TCEA2: variants seen among roughly 807,000 people sequenced by gnomAD.
TCEA2 encodes transcription elongation factor A2.
Under a neutral mutation model 40.8 loss-of-function variants are expected in TCEA2, and 21 were observed. That is an observed-to-expected ratio of 0.51 (90% CI 0.36 to 0.74). The LOEUF (loss-of-function observed/expected upper bound fraction) is 0.74, where lower values mean the gene tolerates loss of function less well. TCEA2 is among the 30% of genes least tolerant of loss of function. The pLI is 0.00. For synonymous variants in TCEA2, 165 were observed against 162.7 expected (o/e 1.01, Z -0.11); for missense variants, 326 against 426.5 (o/e 0.76, Z 2.08).
intron 1 of TCEA2, 184 bp from the exon 2 acceptor site, chr20:64,066,292 G>A (rs1312777967): frequency 1.6e-6 from 1 of 626,044 alleles, no homozygotes; most frequent in Non-Finnish European, 2.8e-6. Flanking sequence ...GTTCCCTGCT[G>A]TGGTGCAGGA....
At chr20:64,056,244 G>A (rs565343667), upstream of TCEA2, among the ~76,000 whole-genome samples, 5 of 152,286 alleles carry the variant, frequency 3.3e-5, no homozygotes, top group South Asian at 8.3e-4. Flanking sequence ...CAGACTGGGC[G>A]ACTGAGGTCC....
chr20:64,058,918 C>T (rs73626422), upstream of TCEA2, among the ~76,000 whole-genome samples: 822 of 152,222 alleles, frequency 5.4e-3, 7 homozygotes, highest in African/African-American at 0.019. This position sits in a 1 kb window ranked among gnomAD's most constrained non-coding sequence, Gnocchi z 6.7. Flanking sequence ...GGGCCGGGCA[C>T]GGTGGCTCAC....
chr20:64,063,153 C>T, upstream of TCEA2: 1 of 534,778 alleles, frequency 1.9e-6, no homozygotes, highest in Non-Finnish European at 2.7e-6. Context: ...TAGGATGCCG[C>T]GCGCGGCCGC....
rs1365864472 is a variant in TCEA2, at chr20:64,070,572, C to T, written c.756C>T (p.Gly252=). 5.6e-6 allele frequency: 9 copies of T among 1,613,570 alleles called. No individual in the cohort carries two copies. The highest frequency in any genetic ancestry group is 1.3e-5 in the African/African-American group (1 of 74,938). The change falls in exon 8 of 10, where the codon GGC becomes GGT. Residue 252 remains glycine (G), a synonymous_variant. Coordinates refer to ENST00000343484, the MANE Select transcript of TCEA2 (RefSeq NM_003195.6). ...GAGAGCACCAGATGGCCCGCACTGG[C>T]GGCACGCAGACAGACCTGTTCACCT... ...AIREHQMART[G]GTQTDLFTCG...
chr20:64,070,226 G>A (rs763451651), intron 6 of TCEA2, 34 bp from the exon 7 acceptor site: 17 of 1,605,532 alleles, frequency 1.1e-5, no homozygotes, highest in South Asian at 5.5e-5. Context: ...GGGCAGCGAC[G>A]TTGTCCTCAG....
In TCEA2 at chr20:64,058,005, G is replaced by T. The variant is rs145246667; in HGVS notation, c.-84+354G>T. On this transcript the variant is annotated intron_variant, in intron 1 of 10. Transcript: ENST00000361317. The surrounding 1 kb of genome is among the most constrained non-coding windows in gnomAD (Gnocchi z 6.7). Reference sequence around the variant, plus strand: ...GGCCAGTCACCTGCCTCTGCCCGGGGGCGGGACCATCCCACCGGATTGCAG... The same window carrying T: ...GGCCAGTCACCTGCCTCTGCCCGGGTGCGGGACCATCCCACCGGATTGCAG... Among the ~76,000 whole-genome samples, 10 of 152,292 alleles carry T rather than the reference G, an allele frequency of 6.6e-5. No homozygotes were observed. The highest frequency in any genetic ancestry group is 2.2e-4 in the African/African-American group (9 of 41,564).
chr20:64,070,876 AGG>A (rs2059812553), intron 8 of TCEA2, among the ~76,000 whole-genome samples: 1 of 152,174 alleles, frequency 6.6e-6, no homozygotes, highest in Non-Finnish European at 1.5e-5. Flanking sequence ...CTCAAGTCAG[AGG>A]GCCTGGCCTG....
intron 1 of TCEA2, among the ~76,000 whole-genome samples, chr20:64,065,300 A>G (rs2059664626): frequency 2.5e-5 from 1 of 40,170 alleles, no homozygotes; most frequent in Non-Finnish European, 7.9e-5. Context: ...CTGCAGCGTG[A>G]GCAGACTATG....
intron 3 of TCEA2, among the ~76,000 whole-genome samples, chr20:64,067,634 C>T (rs951616124): frequency 2.6e-5 from 4 of 152,256 alleles, no homozygotes; most frequent in Non-Finnish European, 5.9e-5. Flanking sequence ...GGCCCTCAGG[C>T]TGTGCATGGC....
intron 9 of TCEA2, 78 bp downstream of exon 9, chr20:64,072,019 G>A (rs528305154): frequency 4.4e-4 from 699 of 1,603,414 alleles, no homozygotes; most frequent in Non-Finnish European, 5.3e-4. Context: ...TGGGGTCTGT[G>A]GTGTGAACTG....
chr20:64,069,316 C>T (rs750008830), intron 4 of TCEA2, 45 bp from the exon 5 acceptor site: 1 of 1,526,608 alleles, frequency 6.6e-7, no homozygotes, highest in Admixed American at 2.0e-5. Context: ...CGCTGGGGTG[C>T]CTGCAGCCTT....
chr20:64,063,562 GC>G, intron 1 of TCEA2, 178 bp downstream of exon 1: 1 of 715,772 alleles, frequency 1.4e-6, no homozygotes, highest in Non-Finnish European at 2.2e-6. Context: ...CCTGCCCCGG[GC>G]CAGCCCTGCC....
Position 64,063,210 on chromosome 20 carries a change from C to G in TCEA2, c.-103C>G. 9.6e-7 allele frequency: 1 copy of G among 1,036,768 alleles called. No individual in the cohort carries two copies. Among genetic ancestry groups the G allele is most frequent in the Middle Eastern group, 3.0e-4 (1 of 3,384 alleles). The allele number at this position is 1,036,768 out of a possible 1,614,324, so 64.2% of individuals were successfully genotyped here. On this transcript the variant is annotated 5_prime_UTR_variant, in exon 1 of 10. Coordinates refer to ENST00000343484, the MANE Select transcript of TCEA2 (RefSeq NM_003195.6). ...GGGTCTGTCGTCCGCGGCGGGGCTG[C>G]GTCGGCTGCGGCGGGTGTGGGAGGT...
rs1163631619 is a variant in TCEA2 at position 64,069,378 on chromosome 20, T to G, written c.347T>G (p.Leu116Arg). The G allele has an allele frequency of 6.3e-7, 1 of 1,597,528 alleles. No homozygotes were observed. The highest frequency in any genetic ancestry group is 1.7e-5 in the Admixed American group (1 of 57,450). Reference protein sequence around the residue: ...APDPSRKRPELPRAPSTPRIT... With the variant: ...APDPSRKRPERPRAPSTPRIT... ...CTCTGCAGCCGCAAGAGGCCGGAGC[T>G]GCCCAGGGCACCGTCGACTCCGAGG... The change falls in exon 5 of 10, where the codon CTG becomes CGG. Residue 116 changes from leucine (L) to arginine (R), a missense_variant. Transcript: ENST00000343484.
intron 1 of TCEA2, chr20:64,063,640 C>G (rs1230348544): frequency 2.2e-5 from 12 of 533,494 alleles, no homozygotes; most frequent in Non-Finnish European, 4.0e-5. Flanking sequence ...GAGCCACCCG[C>G]TCTGGACTCA....
intron 2 of TCEA2, 40 bp from the exon 3 acceptor site, chr20:64,066,874 TG>T: frequency 6.3e-7 from 1 of 1,586,908 alleles, no homozygotes; most frequent in South Asian, 1.1e-5. Flanking sequence ...ACCCCTAGGG[TG>T]GGCCCCTGCC....
upstream of TCEA2, among the ~76,000 whole-genome samples, chr20:64,059,193 CAAAAAA>C (rs60812317): frequency 1.1e-5 from 1 of 91,242 alleles, no homozygotes; most frequent in African/African-American, 4.0e-5. Context: ...AACTCTGTCT[CAAAAAA>C]AAAAAAAAAA....
intron 1 of TCEA2, among the ~76,000 whole-genome samples, chr20:64,065,023 A>C (rs2145468537): frequency 6.6e-6 from 1 of 152,186 alleles, no homozygotes; most frequent in Non-Finnish European, 1.5e-5. Flanking sequence ...TAGAAGCCCC[A>C]GGGGAGAATG....
intron 1 of TCEA2, 146 bp from the exon 2 acceptor site, chr20:64,066,330 C>A: frequency 1.1e-6 from 1 of 905,482 alleles, no homozygotes; most frequent in Non-Finnish European, 1.7e-6. Context: ...TGGGTGTCTC[C>A]AGGTAGAGGA....
Sources: gnomAD v4.1 joint callset for allele counts (sites outside exome capture counted in the v4.1 genomes callset) on GRCh38, gnomAD v4.1.1 for gene constraint, Gnocchi (gnomAD v3.1) non-coding constraint, MANE v1.5 for transcripts, NCBI Gene and HGNC (gene_info 2026-07-23, HGNC 2026-07-21) for gene names.